ZFYVE26: variants seen among roughly 807,000 people sequenced by gnomAD.
The protein encoded by ZFYVE26 is zinc finger FYVE domain-containing protein 26.
ZFYVE26 carries 181 observed loss-of-function variants against 276.5 expected under a neutral mutation model. The ratio of observed to expected loss-of-function variants is 0.65; its 90% CI spans 0.58 to 0.74. The LOEUF is 0.74. Among genes scored for constraint, ZFYVE26 ranks in the 30% least tolerant of loss-of-function variants. The probability of loss-of-function intolerance (pLI) is 0.00; values close to 1 mark genes in which losing one functional copy is unlikely to be tolerated. For synonymous variants in ZFYVE26, 1,129 were observed against 1,203.1 expected (o/e 0.94, Z 1.27); for missense variants, 2,821 against 3,097.9 (o/e 0.91, Z 2.12).
chr14:67,782,154 AC>A (rs2039517359), intron 21 of ZFYVE26, among the ~76,000 whole-genome samples: 2 of 151,986 alleles, frequency 1.3e-5, no homozygotes, highest in Admixed American at 6.6e-5. Context: ...CCTACATCAC[AC>A]CCAACTCTTG....
At chr14:67,787,246 G>C (rs563614572) in intron 16 of ZFYVE26, among the ~76,000 whole-genome samples, 1 of 151,962 alleles carries the variant, frequency 6.6e-6, no homozygotes, top group Non-Finnish European at 1.5e-5. Flanking sequence ...GCGGGGTTGT[G>C]GGGGAGGGCT....
intron 13 of ZFYVE26, among the ~76,000 whole-genome samples, chr14:67,732,296 A>G (rs1406431997): frequency 6.6e-6 from 1 of 151,386 alleles, no homozygotes; most frequent in Non-Finnish European, 1.5e-5. Flanking sequence ...AAATTAGCCC[A>G]GCATTGTGGT....
At chr14:67,775,509 G>C (rs1287824689) in intron 26 of ZFYVE26, among the ~76,000 whole-genome samples, 1 of 152,158 alleles carries the variant, frequency 6.6e-6, no homozygotes, top group Non-Finnish European at 1.5e-5. Flanking sequence ...ACATACAAGT[G>C]ATATCCGATG....
At chr14:67,778,027 C>G in intron 24 of ZFYVE26, 99 bp downstream of exon 24, 1 of 1,547,084 alleles carries the variant, frequency 6.5e-7, no homozygotes, top group Non-Finnish European at 8.9e-7. Context: ...AGAGGCATAG[C>G]TGAGATTGCA....
At chr14:67,761,960 T>C (rs2038942181) in intron 34 of ZFYVE26, 1 of 579,774 alleles carries the variant, frequency 1.7e-6, no homozygotes, top group African/African-American at 1.9e-5. Flanking sequence ...TTATATGTCA[T>C]ATGTCATTTT....
At chr14:67,769,460 T>C in intron 29 of ZFYVE26, 134 bp downstream of exon 29, 2 of 1,346,026 alleles carry the variant, frequency 1.5e-6, no homozygotes, top group East Asian at 2.3e-5. Flanking sequence ...AGTGTAGAGT[T>C]AATGGCATTT....
In ZFYVE26 at chr14:67,789,553, T is replaced by C. The variant is rs776133422; in HGVS notation, c.2801A>G (p.Asn934Ser). ...SISDVTDKLLNTSGDPIPMLQ... is the reference protein window; with the variant it reads ...SISDVTDKLLSTSGDPIPMLQ... The stretch of plus-strand genomic sequence containing the variant: ...CATGGGGATGGGGTCTCCAGAGGTG[T>C]TGAGCAGCTTGTCAGTCACGTCAGA... The change falls in exon 16 of 42, where the codon AAC (asparagine) becomes AGC (serine). Residue 934 changes from asparagine (N) to serine (S), a missense_variant. Transcript: ENST00000347230. The C allele has an allele frequency of 1.9e-5, 30 of 1,614,010 alleles. No homozygotes were observed. The highest frequency in any genetic ancestry group is 1.7e-5 in the Admixed American group (1 of 60,006).
At chr14:67,737,880 C>T (rs2038370570) in intron 13 of ZFYVE26, among the ~76,000 whole-genome samples, 1 of 152,204 alleles carries the variant, frequency 6.6e-6, no homozygotes, top group Middle Eastern at 3.4e-3. Flanking sequence ...ATATAAAGAA[C>T]TTCTACTTCT....
In ZFYVE26 at chr14:67,786,126, G is replaced by C. The variant is rs1349637385; in HGVS notation, c.3127C>G (p.Gln1043Glu). 1 of 1,614,094 alleles carries C rather than the reference G, an allele frequency of 6.2e-7. No homozygotes were observed. Among genetic ancestry groups the C allele is most frequent in the Non-Finnish European group, 8.5e-7 (1 of 1,180,016 alleles). Residue 1043 changes from glutamine (Q) to glutamate (E), a missense_variant, in exon 17 of 42, where the codon CAA becomes GAA. Physicochemically the swap from Gln to Glu is conservative, Grantham distance 29 (BLOSUM62 2). Coordinates refer to ENST00000347230, the MANE Select transcript of ZFYVE26 (RefSeq NM_015346.4). ...AAAAGCAACTCACCTGATTTGGTTT[G>C]ACTGGCTGACATAAGCAGATAATTG... is the stretch of plus-strand genomic sequence containing the variant. ...SLNYLLMSAS[Q>E]TKSESVEEKG...
chr14:67,759,176 C>T (rs113371712), intron 35 of ZFYVE26, among the ~76,000 whole-genome samples: 4,782 of 135,248 alleles, frequency 0.035, 242 homozygotes, highest in African/African-American at 0.11. Context: ...ACCCAGGAGG[C>T]GGAGCTTCCA....
intron 13 of ZFYVE26, among the ~76,000 whole-genome samples, chr14:67,733,093 C>T (rs1317527072): frequency 6.6e-6 from 1 of 151,526 alleles, no homozygotes; most frequent in Admixed American, 6.6e-5. Flanking sequence ...GCACGTTGTG[C>T]ACATGTACCC....
chr14:67,790,543 C>T (rs2039782875), intron 15 of ZFYVE26, 29 bp downstream of exon 15: 1 of 1,611,354 alleles, frequency 6.2e-7, no homozygotes, highest in South Asian at 1.1e-5. Flanking sequence ...GCCACCTCAC[C>T]ACTTATGGTG....
chr14:67,752,564 A>G (rs1287746660), intron 39 of ZFYVE26, 38 bp from the exon 40 acceptor site: 3 of 1,611,488 alleles, frequency 1.9e-6, no homozygotes, highest in Non-Finnish European at 2.5e-6. Context: ...TAGGAGCAGG[A>G]AACGTTAACG....
chr14:67,806,498 G>A (rs927196418), intron 6 of ZFYVE26, 47 bp downstream of exon 6: 14 of 1,611,738 alleles, frequency 8.7e-6, no homozygotes, highest in Non-Finnish European at 1.2e-5. Flanking sequence ...AAAAGTCTGG[G>A]GAGAATCCCT....
intron 3 of ZFYVE26, among the ~76,000 whole-genome samples, chr14:67,812,501 T>C (rs1457085258): frequency 6.6e-6 from 1 of 152,224 alleles, no homozygotes; most frequent in Non-Finnish European, 1.5e-5. Flanking sequence ...GGATAATGAC[T>C]GGACTTGGAA....
At chr14:67,751,135 G>A (rs1203358562) in intron 40 of ZFYVE26, 39 bp from the exon 41 acceptor site, 1 of 1,613,300 alleles carries the variant, frequency 6.2e-7, no homozygotes, top group Admixed American at 1.7e-5. Flanking sequence ...AGGGAGAAGA[G>A]TCCCGCAGTC....
In ZFYVE26 at chr14:67,781,514, T is replaced by C. The variant is rs1460733093; in HGVS notation, c.4388A>G (p.Gln1463Arg). Residue 1463 changes from glutamine (Q) to arginine (R), a missense_variant, in exon 22 of 42, where the codon CAA (glutamine) becomes CGA (arginine). Coordinates refer to ENST00000347230, the MANE Select transcript of ZFYVE26 (RefSeq NM_015346.4). Reference sequence around the variant, plus strand: ...TGCATCCTTCACGGGAAACAGGTATTGCCAACCTTCTTTGTCTATAAGACA... The same window carrying C: ...TGCATCCTTCACGGGAAACAGGTATCGCCAACCTTCTTTGTCTATAAGACA... ...CAVACDKEGWQYLFPVKDASL... is the reference protein window; with the variant it reads ...CAVACDKEGWRYLFPVKDASL... The C allele has an allele frequency of 6.2e-7, 1 of 1,614,188 alleles. No homozygotes were observed. Among genetic ancestry groups the C allele is most frequent in the East Asian group, 2.2e-5 (1 of 44,888 alleles).
intron 13 of ZFYVE26, among the ~76,000 whole-genome samples, chr14:67,739,513 A>ATT (rs112160011): frequency 1.3e-5 from 2 of 149,130 alleles, no homozygotes; most frequent in Non-Finnish European, 3.0e-5. Context: ...CTACTTTTTA[A>ATT]TTTTTTTTTT....
chr14:67,754,659 C>A (rs2038732284), intron 37 of ZFYVE26, among the ~76,000 whole-genome samples: 1 of 152,142 alleles, frequency 6.6e-6, no homozygotes, highest in Admixed American at 6.5e-5. Context: ...GAGGGACTGG[C>A]AAGTATAAAA....
Sources: gnomAD v4.1 joint callset for allele counts (sites outside exome capture counted in the v4.1 genomes callset) on GRCh38, gnomAD v4.1.1 for gene constraint, MANE v1.5 for transcripts, NCBI Gene and HGNC (gene_info 2026-07-23, HGNC 2026-07-21) for gene names.